ARHGAP6: variants seen among roughly 807,000 people sequenced by gnomAD.
The protein encoded by ARHGAP6 is rho GTPase-activating protein 6.
In ARHGAP6, 16 loss-of-function variants were observed where a neutral mutation model predicts 55.7. The observed-to-expected ratio is 0.29, with a 90% CI of 0.19 to 0.44. The LOEUF (loss-of-function observed/expected upper bound fraction) is 0.44, where lower values mean the gene tolerates loss of function less well. ARHGAP6 is among the 20% of genes least tolerant of loss of function. The pLI, the probability that ARHGAP6 is intolerant of heterozygous loss-of-function variation, is 1.00. For missense variants in ARHGAP6, 698 were observed against 808.9 expected, an observed-to-expected ratio of 0.86 and a Z score of 1.66; for synonymous variants, 382 against 360.9, an observed-to-expected ratio of 1.06 and a Z score of -0.66.
chrX:11,653,955 TTTTG>T (rs1452878854), intron 1 of ARHGAP6, among the ~76,000 whole-genome samples: 3 of 105,314 alleles, frequency 2.8e-5, no homozygotes, highest in East Asian at 2.8e-4. Context: ...CTAATTGTTA[TTTTG>T]TTTGTCACCA....
At chrX:11,615,135 T>C (rs972870781) in intron 1 of ARHGAP6, among the ~76,000 whole-genome samples, 1 of 111,265 alleles carries the variant, frequency 9.0e-6, no homozygotes, top group African/African-American at 3.3e-5. Flanking sequence ...TTTCTCTCTC[T>C]TTCCTTCATG....
chrX:11,345,692 A>T (rs1246848828), intron 1 of ARHGAP6, among the ~76,000 whole-genome samples: 1 of 111,887 alleles, frequency 8.9e-6, no homozygotes, highest in Non-Finnish European at 1.9e-5. Flanking sequence ...TTATATTGCC[A>T]CCTTACGCAG....
chrX:11,215,466 G>C (rs761230845), intron 2 of ARHGAP6, among the ~76,000 whole-genome samples: 3 of 113,248 alleles, frequency 2.6e-5, no homozygotes, highest in East Asian at 5.6e-4. Flanking sequence ...AGGGGATGCT[G>C]ACATATTCTC....
intron 9 of ARHGAP6, among the ~76,000 whole-genome samples, chrX:11,165,149 C>A (rs751585815): frequency 2.7e-5 from 3 of 111,022 alleles, no homozygotes; most frequent in Non-Finnish European, 5.7e-5. Context: ...AACAAAAATA[C>A]ATTTTTTTTC....
intron 1 of ARHGAP6, among the ~76,000 whole-genome samples, chrX:11,435,294 T>C (rs1199350120): frequency 1.8e-5 from 2 of 112,576 alleles, no homozygotes; most frequent in Non-Finnish European, 3.8e-5. Flanking sequence ...AGCATCAGAC[T>C]GGGACTTTTT....
At chrX:11,476,459 G>A (rs1357188001) in intron 1 of ARHGAP6, among the ~76,000 whole-genome samples, 1 of 111,516 alleles carries the variant, frequency 9.0e-6, no homozygotes, top group East Asian at 2.8e-4. Flanking sequence ...ATCAGTTCTT[G>A]CAGACATTAT....
intron 1 of ARHGAP6, among the ~76,000 whole-genome samples, chrX:11,567,951 T>A (rs986333721): frequency 9.0e-6 from 1 of 111,491 alleles, no homozygotes; most frequent in African/African-American, 3.3e-5. Context: ...ACACTGGAAT[T>A]ATAGGTGGCA....
chrX:11,309,284 C>G (rs1052531165), intron 1 of ARHGAP6, among the ~76,000 whole-genome samples: 4 of 111,592 alleles, frequency 3.6e-5, no homozygotes, highest in African/African-American at 6.5e-5. Flanking sequence ...GCAGCAGCTC[C>G]AGGCAGTAGC....
intron 1 of ARHGAP6, among the ~76,000 whole-genome samples, chrX:11,571,027 A>C (rs959226029): frequency 2.7e-5 from 3 of 111,548 alleles, no homozygotes; most frequent in Non-Finnish European, 5.6e-5. Context: ...TGGAGGATGC[A>C]GACAGCATCA....
At chrX:11,152,689 G>A (rs2045800460) in intron 10 of ARHGAP6, among the ~76,000 whole-genome samples, 1 of 111,836 alleles carries the variant, frequency 8.9e-6, no homozygotes, top group African/African-American at 3.3e-5. Flanking sequence ...GTGGATTCAT[G>A]GTCTGGAGCA....
At chrX:11,647,943 A>T (rs191510699) in intron 1 of ARHGAP6, among the ~76,000 whole-genome samples, 52 of 112,277 alleles carry the variant, frequency 4.6e-4, no homozygotes, top group Non-Finnish European at 7.3e-4. Context: ...TGCCAACCTG[A>T]TGTAATGTGA....
At chrX:11,378,029 G>C (rs539022210) in intron 1 of ARHGAP6, among the ~76,000 whole-genome samples, 20 of 112,005 alleles carry the variant, frequency 1.8e-4, no homozygotes, top group African/African-American at 6.5e-4. Flanking sequence ...CATGGACACA[G>C]TGGTGGCTCT....
intron 2 of ARHGAP6, among the ~76,000 whole-genome samples, chrX:11,241,215 A>G (rs2047272639): frequency 9.0e-6 from 1 of 110,667 alleles, no homozygotes; most frequent in Non-Finnish European, 1.9e-5. Flanking sequence ...TTAAGGGATG[A>G]AGTTATCCCT....
chrX:11,285,892 ATTAG>A (rs1569285946), intron 1 of ARHGAP6, among the ~76,000 whole-genome samples: 51 of 112,572 alleles, frequency 4.5e-4, no homozygotes, highest in African/African-American at 1.6e-3. Context: ...ACTAAATTAG[ATTAG>A]TAGGGTATGA....
At chrX:11,199,929 C>G (rs1407131521) in intron 2 of ARHGAP6, among the ~76,000 whole-genome samples, 1 of 112,504 alleles carries the variant, frequency 8.9e-6, no homozygotes, top group Non-Finnish European at 1.9e-5. Flanking sequence ...GCTTATTCCT[C>G]TTCTCCTTTG....
At chrX:11,318,379 A>G (rs1176672690) in intron 1 of ARHGAP6, among the ~76,000 whole-genome samples, 1 of 112,347 alleles carries the variant, frequency 8.9e-6, no homozygotes, top group Non-Finnish European at 1.9e-5. Flanking sequence ...CATAAATATA[A>G]AAATAAGCAA....
chrX:11,454,080 A>T (rs1275970641), intron 1 of ARHGAP6, among the ~76,000 whole-genome samples: 1 of 106,487 alleles, frequency 9.4e-6, no homozygotes, highest in Non-Finnish European at 1.9e-5. Context: ...AGTAGCTGGG[A>T]CTATAGGCTC....
chrX:11,553,244 T>C (rs1321847733), intron 1 of ARHGAP6, among the ~76,000 whole-genome samples: 1 of 55,460 alleles, frequency 1.8e-5, no homozygotes, highest in Admixed American at 1.5e-4. Flanking sequence ...GCTTAGAACA[T>C]TTTTTTTTTT....
chrX:11,320,766 T>TACACACAC (rs56815077), intron 1 of ARHGAP6, among the ~76,000 whole-genome samples: 322 of 85,656 alleles, frequency 3.8e-3, no homozygotes, highest in East Asian at 0.024. Flanking sequence ...AATATCTCTT[T>TACACACAC]ACACACACAC....
Sources: gnomAD v4.1 joint callset for allele counts (sites outside exome capture counted in the v4.1 genomes callset) on GRCh38, gnomAD v4.1.1 for gene constraint, MANE v1.5 for transcripts, NCBI Gene and HGNC (gene_info 2026-07-23, HGNC 2026-07-21) for gene names.